Variants in TYW1B observed in about 807,000 individuals in gnomAD.
The protein encoded by TYW1B is S-adenosyl-L-methionine-dependent tRNA 4-demethylwyosine synthase TYW1B.
In TYW1B, 73 loss-of-function variants were observed where a neutral mutation model predicts 86.9. That is an observed-to-expected ratio of 0.84 (90% CI 0.70 to 1.02). The LOEUF is 1.02. TYW1B is among the 50% of genes least tolerant of loss of function. The pLI, the probability that TYW1B is intolerant of heterozygous loss-of-function variation, is 0.00. For missense variants in TYW1B, 637 were observed against 827.4 expected, an observed-to-expected ratio of 0.77 and a Z score of 2.82; for synonymous variants, 248 against 292.8, an observed-to-expected ratio of 0.85 and a Z score of 1.56.
At chr7:72,812,337 C>T (rs1425360291) in intron 3 of TYW1B, among the ~76,000 whole-genome samples, 3 of 152,018 alleles carry the variant, frequency 2.0e-5, no homozygotes, top group African/African-American at 4.8e-5. Flanking sequence ...AGGTCAGGTG[C>T]GAAATTTTCC....
chr7:72,654,497 C>T (rs1813150636), intron 11 of TYW1B, among the ~76,000 whole-genome samples: 1 of 152,196 alleles, frequency 6.6e-6, no homozygotes, highest in Admixed American at 6.5e-5. Flanking sequence ...ATGTAAGGTG[C>T]TATCCTGAAT....
chr7:72,748,586 A>C (rs1340853611), intron 7 of TYW1B, among the ~76,000 whole-genome samples: 2 of 150,438 alleles, frequency 1.3e-5, no homozygotes, highest in Non-Finnish European at 3.0e-5. Context: ...GTTAGCTGTA[A>C]GAATTTTGTA....
chr7:72,627,775 T>C (rs1246290839), intron 12 of TYW1B, among the ~76,000 whole-genome samples: 1 of 151,986 alleles, frequency 6.6e-6, no homozygotes, highest in Non-Finnish European at 1.5e-5. Context: ...ATTTAATCAA[T>C]CTTCTCTTGA....
chr7:72,761,672 C>T (rs529429033), intron 7 of TYW1B, among the ~76,000 whole-genome samples: 2 of 150,838 alleles, frequency 1.3e-5, no homozygotes, highest in East Asian at 1.9e-4. Context: ...TATTTAAAGG[C>T]TATTTCAAAA....
At chr7:72,578,146 C>T (rs1811070683) in intron 13 of TYW1B, among the ~76,000 whole-genome samples, 1 of 149,028 alleles carries the variant, frequency 6.7e-6, no homozygotes, top group African/African-American at 2.5e-5. Flanking sequence ...CGGAGTCTCG[C>T]TCTGTCACCC....
At chr7:72,741,521 T>A (rs1478540934) in intron 8 of TYW1B, among the ~76,000 whole-genome samples, 1 of 151,974 alleles carries the variant, frequency 6.6e-6, no homozygotes. Context: ...TACCAACATA[T>A]GCATAATAAA....
At chr7:72,827,815 C>T (rs1299257212) in intron 1 of TYW1B, among the ~76,000 whole-genome samples, 1 of 152,120 alleles carries the variant, frequency 6.6e-6, no homozygotes, top group Non-Finnish European at 1.5e-5. Context: ...TTAGGCTTTA[C>T]AGGTGCAAAA....
At chr7:72,688,315 T>A (rs1185296261) in intron 11 of TYW1B, among the ~76,000 whole-genome samples, 1 of 152,200 alleles carries the variant, frequency 6.6e-6, no homozygotes, top group Non-Finnish European at 1.5e-5. Context: ...GTTCAAAAGG[T>A]CAGTATTCAT....
intron 11 of TYW1B, among the ~76,000 whole-genome samples, chr7:72,662,436 T>TAGATAGAC (rs2129569476): frequency 7.4e-6 from 1 of 135,828 alleles, no homozygotes; most frequent in East Asian, 2.0e-4. Flanking sequence ...TATAGATAGA[T>TAGATAGAC]AGATAGATAG....
intron 11 of TYW1B, among the ~76,000 whole-genome samples, chr7:72,666,823 A>T (rs1813473329): frequency 6.6e-6 from 1 of 151,952 alleles, no homozygotes. Context: ...CGAGGTCAGG[A>T]GATCAAGACC....
intron 13 of TYW1B, among the ~76,000 whole-genome samples, chr7:72,588,812 T>C (rs2129567771): frequency 6.6e-6 from 1 of 152,152 alleles, no homozygotes; most frequent in South Asian, 2.1e-4. Flanking sequence ...GGACAAGACT[T>C]GCACTTTTTT....
chr7:72,625,239 T>C (rs191466013), intron 12 of TYW1B, among the ~76,000 whole-genome samples: 1 of 152,252 alleles, frequency 6.6e-6, no homozygotes, highest in Non-Finnish European at 1.5e-5. Flanking sequence ...ACAAGGCCTA[T>C]CACATGGAGA....
chr7:72,675,976 G>C (rs1372470501), intron 11 of TYW1B, among the ~76,000 whole-genome samples: 1 of 152,024 alleles, frequency 6.6e-6, no homozygotes, highest in African/African-American at 2.4e-5. Context: ...ATGCTGTTCT[G>C]GTTCAAAGAA....
Position 72,680,949 on chromosome 7 carries a change from C to T in TYW1B, c.1506+13738G>A, listed in dbSNP as rs568800068. Reference sequence around the variant, plus strand: ...TATGTATAAAATATTTAATCATATACACAAAAATGATAGTAGAGGGCATCA... The same window carrying T: ...TATGTATAAAATATTTAATCATATATACAAAAATGATAGTAGAGGGCATCA... On this transcript the variant is annotated intron_variant, in intron 11 of 13. Coordinates refer to ENST00000620995, the MANE Select transcript of TYW1B (RefSeq NM_001145440.3). 6.6e-5 allele frequency among the ~76,000 whole-genome samples: 10 copies of T among 152,180 alleles called. No homozygotes were observed. The East Asian group carries it at 1.9e-3, about 29-fold the overall frequency.
chr7:72,671,140 A>G (rs1326265196), intron 11 of TYW1B, among the ~76,000 whole-genome samples: 2 of 152,188 alleles, frequency 1.3e-5, no homozygotes, highest in African/African-American at 4.8e-5. Context: ...AAACACTTAT[A>G]GGCTATTTTT....
At chr7:72,770,465 A>G (rs1400815429) in intron 7 of TYW1B, among the ~76,000 whole-genome samples, 1 of 151,734 alleles carries the variant, frequency 6.6e-6, no homozygotes, top group Non-Finnish European at 1.5e-5. Flanking sequence ...AAAAAACACA[A>G]TGAGGTACCA....
At chr7:72,815,262 C>T (rs181352521) in intron 3 of TYW1B, 118 bp downstream of exon 3, 1 of 944,274 alleles carries the variant, frequency 1.1e-6, no homozygotes, top group Non-Finnish European at 1.5e-6. Flanking sequence ...AACTGAAATC[C>T]CTTAGCACGA....
intron 8 of TYW1B, among the ~76,000 whole-genome samples, chr7:72,731,492 T>A (rs1415668359): frequency 6.6e-6 from 1 of 150,728 alleles, no homozygotes; most frequent in Admixed American, 6.6e-5. Flanking sequence ...ACCTTGAATG[T>A]AAATGGATTA....
chr7:72,802,987 G>A (rs2129572521), intron 5 of TYW1B, among the ~76,000 whole-genome samples: 2 of 152,284 alleles, frequency 1.3e-5, no homozygotes, highest in South Asian at 4.1e-4. Flanking sequence ...CATAATCCCA[G>A]CACTTTGTGA....
Sources: gnomAD v4.1 joint callset for allele counts (sites outside exome capture counted in the v4.1 genomes callset) on GRCh38, gnomAD v4.1.1 for gene constraint, MANE v1.5 for transcripts, NCBI Gene and HGNC (gene_info 2026-07-23, HGNC 2026-07-21) for gene names.